Variants in PCDHGB4 observed in about 807,000 individuals in gnomAD.
The protein encoded by PCDHGB4 is protocadherin gamma subfamily B, 4.
In PCDHGB4, 38 loss-of-function variants were observed where a neutral mutation model predicts 60.5. The observed-to-expected ratio is 0.63, with a 90% CI of 0.48 to 0.82. The LOEUF (loss-of-function observed/expected upper bound fraction) is 0.82, where lower values mean the gene tolerates loss of function less well. PCDHGB4 is among the 40% of genes least tolerant of loss of function. The pLI, the probability that PCDHGB4 is intolerant of heterozygous loss-of-function variation, is 0.00. For synonymous variants in PCDHGB4, 456 were observed against 509.7 expected (o/e 0.89, Z 1.42); for missense variants, 1,109 against 1,209.6 (o/e 0.92, Z 1.23).
chr5:141,405,176 G>A (rs917679696), intron 1 of PCDHGB4: 3 of 1,614,068 alleles, frequency 1.9e-6, no homozygotes, highest in Non-Finnish European at 2.5e-6. Context: ...ACACTTTGTG[G>A]GTGTAGATGG....
chr5:141,485,543 G>C lies in PCDHGB4; in HGVS notation c.2398-9264G>C. 1.9e-6 allele frequency: 3 copies of C among 1,614,092 alleles called. No homozygotes were observed. The highest frequency in any genetic ancestry group is 2.5e-6 in the Non-Finnish European group (3 of 1,179,972). On this transcript the variant is annotated intron_variant, in intron 1 of 3. Coordinates refer to ENST00000519479, the MANE Select transcript of PCDHGB4 (RefSeq NM_003736.4). This position sits in a 1 kb window ranked among gnomAD's most constrained non-coding sequence, Gnocchi z 5.7. Reference sequence around the variant, plus strand: ...AATGTACCGAGCAGAGGTAGAGATCGTAGATGTGAATGATCACGCCCCCCG... The same window carrying C: ...AATGTACCGAGCAGAGGTAGAGATCCTAGATGTGAATGATCACGCCCCCCG...
At chr5:141,484,155 T>G (rs2099592564) in intron 1 of PCDHGB4, among the ~76,000 whole-genome samples, 1 of 152,224 alleles carries the variant, frequency 6.6e-6, no homozygotes, top group Non-Finnish European at 1.5e-5. Context: ...GTAGGCACAA[T>G]GCTGTTGGTA....
At chr5:141,454,796 ATTTTTTTTTTTTTTTT>A (rs61612330) in intron 1 of PCDHGB4, among the ~76,000 whole-genome samples, 1 of 77,408 alleles carries the variant, frequency 1.3e-5, no homozygotes, top group East Asian at 4.0e-4. Flanking sequence ...CATGGTTCTA[ATTTTTTTTTTTTTTTT>A]TTTTTTTTTT....
At chr5:141,494,554 T>C (rs1270280236) in intron 1 of PCDHGB4, among the ~76,000 whole-genome samples, 1 of 152,178 alleles carries the variant, frequency 6.6e-6, no homozygotes, top group African/African-American at 2.4e-5. Flanking sequence ...GGGCCATTTC[T>C]TTAGGAAAGG....
intron 1 of PCDHGB4, among the ~76,000 whole-genome samples, chr5:141,462,203 G>A (rs544238255): frequency 2.6e-5 from 4 of 152,036 alleles, no homozygotes; most frequent in East Asian, 1.9e-4. Flanking sequence ...CAGGTGATCC[G>A]CCTGCCTCGG....
At position 141,482,865 on chromosome 5, in the gene PCDHGB4, A is replaced by G. The variant is rs557581796; in HGVS notation, c.2398-11942A>G. ...GGTGGGCAGATCACTTGAGGTCAGG[A>G]GTTTGAAACCAGCCTGGCCAACATG... On this transcript the variant is annotated intron_variant, in intron 1 of 3. Coordinates refer to ENST00000519479, the MANE Select transcript of PCDHGB4 (RefSeq NM_003736.4). Among the ~76,000 whole-genome samples, 66 of 152,206 alleles carry G rather than the reference A, an allele frequency of 4.3e-4. 1 individual carries two copies. Among genetic ancestry groups the G allele is most frequent in the African/African-American group, 1.5e-3 (61 of 41,516 alleles).
In PCDHGB4 at chr5:141,432,670, G is replaced by C; in HGVS notation, c.2397+42389G>C. On this transcript the variant is annotated intron_variant, in intron 1 of 3. Transcript: ENST00000519479. The surrounding 1 kb of genome is among the most constrained non-coding windows in gnomAD (Gnocchi z 6.0). ...CGCGAGCCCTGCTGGACAGAGACGCGCTCAAGCAGAGCCTCGTAGTGGCCG... is the reference window on the plus strand; with the variant it reads ...CGCGAGCCCTGCTGGACAGAGACGCCCTCAAGCAGAGCCTCGTAGTGGCCG... 1 of 1,613,868 alleles carries C rather than the reference G, an allele frequency of 6.2e-7. No homozygotes were observed. The highest frequency in any genetic ancestry group is 8.5e-7 in the Non-Finnish European group (1 of 1,179,940).
intron 1 of PCDHGB4, among the ~76,000 whole-genome samples, chr5:141,455,445 C>T (rs1175054167): frequency 6.6e-6 from 1 of 152,134 alleles, no homozygotes; most frequent in Non-Finnish European, 1.5e-5. Context: ...TCCCCATCTA[C>T]CGCGGATACC....
At chr5:141,409,904 G>A in intron 1 of PCDHGB4, 3 of 1,613,278 alleles carry the variant, frequency 1.9e-6, no homozygotes, top group Non-Finnish European at 2.5e-6. Flanking sequence ...CCCAGCTCTG[G>A]GTCCTGACGG....
intron 1 of PCDHGB4, chr5:141,428,296 AT>A: frequency 1.4e-6 from 1 of 713,574 alleles, no homozygotes; most frequent in Non-Finnish European, 2.5e-6. Flanking sequence ...AAAGCTGCAG[AT>A]TTACCTGGTC....
At chr5:141,423,090 G>T in intron 1 of PCDHGB4, 5 of 1,614,022 alleles carry the variant, frequency 3.1e-6, no homozygotes, top group South Asian at 2.2e-5. Context: ...TCGCGGTGGG[G>T]GAGCACACGG....
intron 1 of PCDHGB4, chr5:141,417,617 A>G (rs576281946): frequency 9.3e-6 from 6 of 646,206 alleles, no homozygotes; most frequent in African/African-American, 1.8e-5. Flanking sequence ...GCCAGTGCAG[A>G]GCAAGCGCTG....
intron 1 of PCDHGB4, among the ~76,000 whole-genome samples, chr5:141,425,040 A>G (rs2096853898): frequency 6.6e-6 from 1 of 152,182 alleles, no homozygotes; most frequent in South Asian, 2.1e-4. Flanking sequence ...TTAGTTGTAA[A>G]CTGACTATCT....
intron 1 of PCDHGB4, among the ~76,000 whole-genome samples, chr5:141,474,651 C>T (rs2099352565): frequency 6.6e-6 from 1 of 152,178 alleles, no homozygotes; most frequent in South Asian, 2.1e-4. Flanking sequence ...ATCCTTACTT[C>T]TTTTCTACCT....
At chr5:141,481,647 A>C (rs749515062) in intron 1 of PCDHGB4, among the ~76,000 whole-genome samples, 28 of 151,830 alleles carry the variant, frequency 1.8e-4, no homozygotes, top group African/African-American at 6.5e-4. Context: ...GTGAAACTTC[A>C]TCTCTACTAA....
At chr5:141,508,096 G>A (rs1489615862) in intron 3 of PCDHGB4, 1 of 152,476 alleles carries the variant, frequency 6.6e-6, no homozygotes, top group African/African-American at 2.4e-5. Context: ...CCTTGGCCCT[G>A]GGATGGGGTA....
At chr5:141,414,356 T>C in intron 1 of PCDHGB4, 1 of 1,613,950 alleles carries the variant, frequency 6.2e-7, no homozygotes, top group Non-Finnish European at 8.5e-7. Flanking sequence ...TTGGCGTATC[T>C]ACCATTTAAA....
chr5:141,433,703 G>T (rs1561871157), intron 1 of PCDHGB4, among the ~76,000 whole-genome samples: 1 of 152,098 alleles, frequency 6.6e-6, no homozygotes, highest in Non-Finnish European at 1.5e-5. Flanking sequence ...CGGGCGTGGT[G>T]GTGCATGTCT....
At chr5:141,508,538 G>C (rs1383873129) in intron 3 of PCDHGB4, among the ~76,000 whole-genome samples, 1 of 152,120 alleles carries the variant, frequency 6.6e-6, no homozygotes, top group African/African-American at 2.4e-5. Flanking sequence ...CACCCCCCAC[G>C]AGGTGGGCGG....
Sources: gnomAD v4.1 joint callset for allele counts (sites outside exome capture counted in the v4.1 genomes callset) on GRCh38, gnomAD v4.1.1 for gene constraint, Gnocchi (gnomAD v3.1) non-coding constraint, MANE v1.5 for transcripts, NCBI Gene and HGNC (gene_info 2026-07-23, HGNC 2026-07-21) for gene names.